The following REEP1 variants were observed in gnomAD, a reference collection of about 807,000 sequenced individuals.
REEP1 encodes the protein receptor accessory protein 1.
REEP1 carries 22 observed loss-of-function variants against 40.3 expected under a neutral mutation model. That is an observed-to-expected ratio of 0.55 (90% CI 0.39 to 0.78). The LOEUF (loss-of-function observed/expected upper bound fraction) is 0.78. Ranked by LOEUF, REEP1 falls within the 30% of genes least tolerant of loss-of-function variation. The pLI, the probability that REEP1 is intolerant of heterozygous loss-of-function variation, is 0.00. For synonymous variants in REEP1, 116 were observed against 139.2 expected (o/e 0.83, Z 1.17); for missense variants, 280 against 361.1 (o/e 0.78, Z 1.82).
chr2:86,308,478 A>G lies in REEP1; in HGVS notation c.33-26236T>C, dbSNP rs553191061. Among the ~76,000 whole-genome samples, 3 of 152,310 alleles carry G rather than the reference A, an allele frequency of 2.0e-5. No individual in the cohort carries two copies. In the South Asian group the frequency reaches 6.2e-4, roughly 32 times the overall value. The stretch of plus-strand genomic sequence containing the variant: ...GCTGAGGTGGGACGATCGCTTGAGC[A>G]TGGCAGGCGAAGGTTGCAGTGAGCT... On this transcript the variant is annotated intron_variant, in intron 1 of 8. Transcript: ENST00000538924.
chr2:86,284,026 AG>A (rs1351300759), intron 1 of REEP1, among the ~76,000 whole-genome samples: 1 of 151,978 alleles, frequency 6.6e-6, no homozygotes, highest in Non-Finnish European at 1.5e-5. Context: ...CCTGGGGGTG[AG>A]GGGGAAACAT....
intron 5 of REEP1, among the ~76,000 whole-genome samples, chr2:86,236,367 G>C (rs1675323856): frequency 6.6e-6 from 1 of 152,092 alleles, no homozygotes; most frequent in Non-Finnish European, 1.5e-5. Context: ...TGTTATTCTA[G>C]ACCATTGTCT....
chr2:86,266,790 G>A (rs991846243), intron 2 of REEP1, among the ~76,000 whole-genome samples: 10 of 151,146 alleles, frequency 6.6e-5, no homozygotes, highest in Admixed American at 1.3e-4. Flanking sequence ...GGTGGATCAC[G>A]AGGTCAGGAG....
intron 1 of REEP1, among the ~76,000 whole-genome samples, chr2:86,289,606 T>C (rs1303933738): frequency 6.6e-6 from 1 of 152,256 alleles, no homozygotes; most frequent in Non-Finnish European, 1.5e-5. Context: ...GGAATTTCAC[T>C]GTATTCATAA....
chr2:86,263,910 G>T, intron 3 of REEP1, 55 bp downstream of exon 3: 3 of 1,360,426 alleles, frequency 2.2e-6, no homozygotes, highest in South Asian at 2.3e-5. Flanking sequence ...ACCTCCCCCT[G>T]AGTGACACTA....
chr2:86,327,036 T>C (rs1282513816), intron 1 of REEP1, among the ~76,000 whole-genome samples: 1 of 152,238 alleles, frequency 6.6e-6, no homozygotes, highest in East Asian at 1.9e-4. Context: ...CCATCTTCCT[T>C]GTCTGTCGAA....
At chr2:86,230,617 G>T (rs1416234021) in intron 6 of REEP1, among the ~76,000 whole-genome samples, 1 of 152,214 alleles carries the variant, frequency 6.6e-6, no homozygotes, top group Non-Finnish European at 1.5e-5. Flanking sequence ...ATGACAATGC[G>T]CCTTCTCAGG....
chr2:86,317,547 C>A (rs749937274), intron 1 of REEP1, among the ~76,000 whole-genome samples: 1 of 152,230 alleles, frequency 6.6e-6, no homozygotes. Context: ...TGAATTTGCA[C>A]TGATGGTGCA....
intron 2 of REEP1, among the ~76,000 whole-genome samples, chr2:86,272,414 T>C (rs1421668823): frequency 2.0e-5 from 3 of 152,230 alleles, no homozygotes; most frequent in Non-Finnish European, 4.4e-5. Flanking sequence ...GAAACCTCTT[T>C]TCAGTTTTTA....
In REEP1 at chr2:86,243,813, G is replaced by C. The variant is rs148385627; in HGVS notation, c.417+8144C>G. ...CTAAATATTAACTTCATGTCACATA[G>C]TCCTTGGCTAAAAAATGAAGAAAGA... is the stretch of plus-strand genomic sequence containing the variant. On this transcript the variant is annotated intron_variant, in intron 5 of 8. Transcript: ENST00000538924. 1.5e-3 allele frequency among the ~76,000 whole-genome samples: 231 copies of C among 152,302 alleles called. 1 individual carries two copies. Among genetic ancestry groups the C allele is most frequent in the African/African-American group, 4.9e-3 (205 of 41,554 alleles).
intron 3 of REEP1, among the ~76,000 whole-genome samples, chr2:86,263,182 G>T (rs1012566481): frequency 2.0e-5 from 3 of 152,174 alleles, no homozygotes; most frequent in African/African-American, 7.2e-5. Flanking sequence ...AAAAAAAGAA[G>T]TGTGTGTAAA....
chr2:86,242,646 C>T (rs1468779640), intron 5 of REEP1, among the ~76,000 whole-genome samples: 2 of 152,134 alleles, frequency 1.3e-5, no homozygotes, highest in Admixed American at 6.5e-5. Context: ...GTTGCTATTT[C>T]CAGAACAGTA....
intron 3 of REEP1, among the ~76,000 whole-genome samples, chr2:86,260,032 A>C (rs1232172439): frequency 6.6e-6 from 1 of 152,172 alleles, no homozygotes; most frequent in Non-Finnish European, 1.5e-5. Context: ...AGCTGCGGAG[A>C]TGGTGCCCAT....
At chr2:86,298,947 G>A (rs953789720) in intron 1 of REEP1, among the ~76,000 whole-genome samples, 2 of 152,186 alleles carry the variant, frequency 1.3e-5, no homozygotes, top group African/African-American at 2.4e-5. Context: ...ACAGGAAAAC[G>A]GGTGTGTTTT....
intron 1 of REEP1, among the ~76,000 whole-genome samples, chr2:86,323,610 G>C (rs1185001348): frequency 6.6e-6 from 1 of 152,208 alleles, no homozygotes; most frequent in Non-Finnish European, 1.5e-5. Context: ...AGGTGGAACA[G>C]TTTCATCCTA....
intron 2 of REEP1, among the ~76,000 whole-genome samples, chr2:86,274,660 A>G (rs1349495455): frequency 1.3e-5 from 2 of 152,222 alleles, no homozygotes; most frequent in Admixed American, 1.3e-4. Context: ...CCTGCAAGAT[A>G]GGGATGAGGA....
chr2:86,326,239 G>A (rs1048377145), intron 1 of REEP1, among the ~76,000 whole-genome samples: 8 of 152,052 alleles, frequency 5.3e-5, no homozygotes, highest in African/African-American at 1.9e-4. Context: ...TATATCCCTG[G>A]TGGCTGGCAT....
chr2:86,257,472 G>A (rs1676626708), intron 3 of REEP1, among the ~76,000 whole-genome samples: 1 of 152,090 alleles, frequency 6.6e-6, no homozygotes, highest in Admixed American at 6.6e-5. Flanking sequence ...ACTAGGGCGA[G>A]GGATACATCA....
intron 6 of REEP1, among the ~76,000 whole-genome samples, chr2:86,231,366 T>C (rs1223193894): frequency 1.3e-5 from 2 of 152,124 alleles, no homozygotes; most frequent in African/African-American, 2.4e-5. Context: ...AAAGCCACAG[T>C]CTTAAGACCT....
Sources: allele counts gnomAD v4.1 joint callset (sites outside exome capture counted in the v4.1 genomes callset), GRCh38; gene constraint gnomAD v4.1.1; transcripts MANE v1.5; gene names NCBI Gene and HGNC (gene_info 2026-07-23, HGNC 2026-07-21).